Variants in ITGB5 observed in about 807,000 individuals in gnomAD.
ITGB5 encodes integrin subunit beta 5.
ITGB5 carries 38 observed loss-of-function variants against 84.8 expected under a neutral mutation model. The ratio of observed to expected loss-of-function variants is 0.45; its 90% CI spans 0.35 to 0.59. The LOEUF is 0.59. Ranked by LOEUF, ITGB5 falls within the 20% of genes least tolerant of loss-of-function variation. The pLI is 0.01. For missense variants in ITGB5, 905 were observed against 1,034.5 expected (o/e 0.87, Z 1.72); for synonymous variants, 393 against 414.4 (o/e 0.95, Z 0.63).
chr3:124,807,619 C>T (rs539820804), intron 9 of ITGB5, among the ~76,000 whole-genome samples: 3 of 151,944 alleles, frequency 2.0e-5, no homozygotes, highest in South Asian at 2.1e-4. Flanking sequence ...TTTGGGGGAG[C>T]GAGGCACTGC....
chr3:124,788,677 TG>T (rs1439303988), intron 10 of ITGB5, among the ~76,000 whole-genome samples: 5 of 152,244 alleles, frequency 3.3e-5, no homozygotes, highest in Non-Finnish European at 7.3e-5. Context: ...CACTGGTTTC[TG>T]AAGCTCTGCC....
At chr3:124,901,023 A>G (rs945517385) in intron 1 of ITGB5, among the ~76,000 whole-genome samples, 8 of 152,214 alleles carry the variant, frequency 5.3e-5, no homozygotes, top group Non-Finnish European at 1.0e-4. Context: ...ATTTCTCCCT[A>G]GCACAAGAAC....
chr3:124,817,597 T>G (rs1579244340), intron 8 of ITGB5, 24 bp downstream of exon 8: 1 of 1,297,024 alleles, frequency 7.7e-7, no homozygotes, highest in Non-Finnish European at 1.1e-6. Context: ...GAGGTGGCAG[T>G]GGGGGAAGAA....
intron 1 of ITGB5, among the ~76,000 whole-genome samples, chr3:124,886,070 A>G (rs957691851): frequency 6.6e-6 from 1 of 152,148 alleles, no homozygotes; most frequent in Non-Finnish European, 1.5e-5. Context: ...ACGTCCAATC[A>G]TCTCCCAACT....
Position 124,848,564 on chromosome 3 carries a change from C to G in ITGB5, c.362-6G>C. 1 of 1,607,944 alleles carries G rather than the reference C, an allele frequency of 6.2e-7. No individual in the cohort carries two copies. The highest frequency in any genetic ancestry group is 8.5e-7 in the Non-Finnish European group (1 of 1,178,110). On this transcript the variant is annotated splice_polypyrimidine_tract_variant and splice_region_variant and intron_variant, in intron 3 of 14. Transcript: ENST00000296181. ...CTGGAAGGTGGTCTTGTCACCTGCA[C>G]CAACAGAGAGGCCACGTGTGTTAGA...
chr3:124,859,567 T>G (rs2065268095), intron 2 of ITGB5, 121 bp from the exon 3 acceptor site: 2 of 711,660 alleles, frequency 2.8e-6, no homozygotes, highest in Non-Finnish European at 4.7e-6. Flanking sequence ...ATTTTCATTG[T>G]CTGAAAATGG....
chr3:124,808,283 C>G (rs2064441727), intron 9 of ITGB5, among the ~76,000 whole-genome samples: 1 of 152,176 alleles, frequency 6.6e-6, no homozygotes, highest in Non-Finnish European at 1.5e-5. Flanking sequence ...CACTGGCTTT[C>G]TGTTTTCTGA....
intron 9 of ITGB5, among the ~76,000 whole-genome samples, chr3:124,805,133 T>TTCTCTC (rs113766698): frequency 1.9e-4 from 27 of 142,100 alleles, no homozygotes; most frequent in African/African-American, 5.0e-4. Context: ...CTTTCTCCCT[T>TTCTCTC]TCTCTCTCTC....
chr3:124,782,587 G>A (rs1326405277), intron 10 of ITGB5, among the ~76,000 whole-genome samples: 1 of 152,222 alleles, frequency 6.6e-6, no homozygotes, highest in Non-Finnish European at 1.5e-5. Flanking sequence ...GCTGGGCACG[G>A]TGGCTCACGG....
At chr3:124,795,112 T>C (rs949123941) in intron 10 of ITGB5, among the ~76,000 whole-genome samples, 1 of 152,194 alleles carries the variant, frequency 6.6e-6, no homozygotes, top group Non-Finnish European at 1.5e-5. Flanking sequence ...TTTTAGATGT[T>C]TGACAGGTTG....
intron 7 of ITGB5, among the ~76,000 whole-genome samples, chr3:124,818,567 G>A (rs1489407969): frequency 2.5e-5 from 3 of 121,730 alleles, no homozygotes; most frequent in Non-Finnish European, 4.7e-5. Flanking sequence ...AGGCTGGAGT[G>A]CAATTGTGCA....
At position 124,882,998 on chromosome 3, in the gene ITGB5, C is replaced by A. The variant is rs372878849; in HGVS notation, c.70+3933G>T. ...AAGCATTCCTTTACATTTATAGAGG[C>A]CATTAATCCCATTCGAACCGGAAAG... is the stretch of plus-strand genomic sequence containing the variant. On this transcript the variant is annotated intron_variant, in intron 1 of 14. Transcript: ENST00000296181. 1.9e-4 allele frequency among the ~76,000 whole-genome samples: 29 copies of A among 152,256 alleles called. No homozygotes were observed. The South Asian group carries it at 2.1e-3, about 11-fold the overall frequency.
chr3:124,852,142 G>C (rs142082459), intron 3 of ITGB5, among the ~76,000 whole-genome samples: 1 of 152,034 alleles, frequency 6.6e-6, no homozygotes, highest in Admixed American at 6.5e-5. Context: ...CCCGCTGCCC[G>C]GCAGAGTGGG....
chr3:124,820,706 G>C (rs558082903), intron 6 of ITGB5, among the ~76,000 whole-genome samples: 1 of 152,318 alleles, frequency 6.6e-6, no homozygotes, highest in African/African-American at 2.4e-5. Flanking sequence ...CTTGATCATT[G>C]TTGGGTCTGG....
intron 5 of ITGB5, among the ~76,000 whole-genome samples, chr3:124,824,130 CA>C (rs754138574): frequency 3.0e-4 from 46 of 152,100 alleles, no homozygotes; most frequent in Non-Finnish European, 4.4e-4. Context: ...ACTAGCAAAA[CA>C]ATTTTGAAAA....
At chr3:124,803,908 G>A (rs117034882) in intron 9 of ITGB5, among the ~76,000 whole-genome samples, 2,031 of 152,308 alleles carry the variant, frequency 0.013, 34 homozygotes, top group South Asian at 0.046. Flanking sequence ...GTACCTGTAT[G>A]CTTTGTGCCT....
chr3:124,866,333 G>A (rs2065389848), intron 2 of ITGB5, among the ~76,000 whole-genome samples: 1 of 152,202 alleles, frequency 6.6e-6, no homozygotes, highest in South Asian at 2.1e-4. Flanking sequence ...GTCAAAGCTA[G>A]TGTTCAATGG....
intron 5 of ITGB5, among the ~76,000 whole-genome samples, chr3:124,831,583 G>A (rs889172411): frequency 2.0e-5 from 3 of 152,186 alleles, no homozygotes; most frequent in Admixed American, 6.5e-5. Flanking sequence ...AGTGGGGCCT[G>A]CCTGAACATG....
intron 5 of ITGB5, among the ~76,000 whole-genome samples, chr3:124,824,775 A>T (rs1195592597): frequency 1.3e-5 from 2 of 152,236 alleles, no homozygotes; most frequent in Non-Finnish European, 2.9e-5. Flanking sequence ...GGAAACAAGC[A>T]CACAAAAGGG....
Sources: gnomAD v4.1 joint callset for allele counts (sites outside exome capture counted in the v4.1 genomes callset) on GRCh38, gnomAD v4.1.1 for gene constraint, MANE v1.5 for transcripts, NCBI Gene and HGNC (gene_info 2026-07-23, HGNC 2026-07-21) for gene names.